Variants in MYO1H observed in about 807,000 individuals in gnomAD.
MYO1H encodes the protein myosin IH.
Under a neutral mutation model 149.3 loss-of-function variants are expected in MYO1H, and 118 were observed. That is an observed-to-expected ratio of 0.79 (90% CI 0.68 to 0.92). The LOEUF (loss-of-function observed/expected upper bound fraction) is 0.92. Ranked by LOEUF, MYO1H falls within the 40% of genes least tolerant of loss-of-function variation. MYO1H has a pLI of 0.00. For missense variants in MYO1H, 1,212 were observed against 1,280.7 expected (o/e 0.95, Z 0.82); for synonymous variants, 447 against 465.2 (o/e 0.96, Z 0.50).
intron 30 of MYO1H, among the ~76,000 whole-genome samples, chr12:109,444,739 C>T (rs547205534): frequency 6.6e-6 from 1 of 151,954 alleles, no homozygotes; most frequent in South Asian, 2.1e-4. Context: ...TGGTGGTGCA[C>T]ACTTGTAATC....
intron 5 of MYO1H, among the ~76,000 whole-genome samples, chr12:109,399,542 A>C (rs897752154): frequency 1.4e-5 from 2 of 147,750 alleles, no homozygotes; most frequent in African/African-American, 5.0e-5. Flanking sequence ...CAGTGAGCCC[A>C]GATTGTGCCA....
chr12:109,349,534 G>T (rs1868409996), intron 1 of MYO1H, among the ~76,000 whole-genome samples: 1 of 148,982 alleles, frequency 6.7e-6, no homozygotes, highest in Non-Finnish European at 1.5e-5. Context: ...GGTGGCACAT[G>T]CCTGTGGTCC....
At chr12:109,311,103 T>G in the MYO1H span, among the ~76,000 whole-genome samples, 1 of 152,234 alleles carries the variant, frequency 6.6e-6, no homozygotes, top group Admixed American at 6.5e-5. Flanking sequence ...CACAGTCATT[T>G]TCATTAAGGT....
intron 1 of MYO1H, among the ~76,000 whole-genome samples, chr12:109,350,025 A>G (rs985121694): frequency 6.6e-6 from 1 of 150,942 alleles, no homozygotes; most frequent in African/African-American, 2.4e-5. Flanking sequence ...TTAGAGATGG[A>G]ACCATTCAGA....
chr12:109,330,599 A>G, the MYO1H span, among the ~76,000 whole-genome samples: 2 of 152,144 alleles, frequency 1.3e-5, no homozygotes, highest in Non-Finnish European at 2.9e-5. Flanking sequence ...CCCAATTCGT[A>G]TATCAGAGAA....
At chr12:109,439,917 A>C (rs1211098093) in intron 24 of MYO1H, 127 bp downstream of exon 24, 3 of 806,734 alleles carry the variant, frequency 3.7e-6, no homozygotes, top group Non-Finnish European at 5.9e-6. Context: ...CCTTCTTCCC[A>C]AGGATGCTGC....
At chr12:109,442,335 C>G in intron 27 of MYO1H, 63 bp downstream of exon 27, 1 of 1,470,886 alleles carries the variant, frequency 6.8e-7, no homozygotes, top group South Asian at 1.1e-5. Context: ...GAGCAGGGTC[C>G]CCTTTCTCCA....
At chr12:109,373,792 CCCACCCT>C (rs1869036872) in intron 1 of MYO1H, among the ~76,000 whole-genome samples, 1 of 152,062 alleles carries the variant, frequency 6.6e-6, no homozygotes, top group Admixed American at 6.5e-5. Flanking sequence ...AGATACAAAA[CCCACCCT>C]TGGTTTTCTT....
the MYO1H span, among the ~76,000 whole-genome samples, chr12:109,341,188 C>CAAAAAA: frequency 2.5e-5 from 2 of 81,152 alleles, no homozygotes; most frequent in Non-Finnish European, 4.1e-5. Context: ...GACTCCATCT[C>CAAAAAA]GAAAAAAAAA....
At chr12:109,341,543 C>T in the MYO1H span, among the ~76,000 whole-genome samples, 2 of 152,156 alleles carry the variant, frequency 1.3e-5, no homozygotes, top group Non-Finnish European at 2.9e-5. Context: ...GACTCAATGG[C>T]AGGCAGAAGA....
intron 1 of MYO1H, among the ~76,000 whole-genome samples, chr12:109,354,630 A>AAAGAAAAG (rs1555247916): frequency 3.0e-5 from 4 of 134,014 alleles, no homozygotes; most frequent in African/African-American, 1.2e-4. Flanking sequence ...AAAAAAAAAA[A>AAAGAAAAG]AAAAGAAAAG....
intron 1 of MYO1H, chr12:109,354,552 G>A (rs559581166): frequency 1.1e-4 from 16 of 151,462 alleles, no homozygotes; most frequent in African/African-American, 3.9e-4. Flanking sequence ...CCCAGGAGGT[G>A]GAGATTGCAG....
chr12:109,439,653 C>T lies in MYO1H; in HGVS notation c.2317C>T (p.Arg773Cys), dbSNP rs755726927. The change falls in exon 24 of 32, where the codon CGC (arginine) becomes TGC (cysteine). Residue 773 changes from arginine (R) to cysteine (C), a missense_variant. Arg to Cys is a radical substitution (Grantham distance 180). Transcript: ENST00000310903. ...TAGGTTCATTAAAGGATTCATCAGT[C>T]GCAACAAACCCCTCTGTCCTGACAA... is the stretch of plus-strand genomic sequence containing the variant. 22 of 1,612,584 alleles carry T rather than the reference C, an allele frequency of 1.4e-5. No individual in the cohort carries two copies. The South Asian group carries it at 1.5e-4, about 11-fold the overall frequency.
chr12:109,436,372 T>A, intron 21 of MYO1H, 116 bp from the exon 22 acceptor site: 1 of 710,388 alleles, frequency 1.4e-6, no homozygotes, highest in Non-Finnish European at 2.5e-6. Flanking sequence ...GAAACATCAC[T>A]ACACCACAGG....
At chr12:109,315,379 G>T in the MYO1H span, among the ~76,000 whole-genome samples, 2 of 152,168 alleles carry the variant, frequency 1.3e-5, no homozygotes, top group East Asian at 1.9e-4. Flanking sequence ...TCTAATCTGG[G>T]TCTACATTAT....
rs1318998745 is a variant in MYO1H at position 109,421,056 on chromosome 12, T to G, written c.1644+29T>G. 3 of 1,445,986 alleles carry G rather than the reference T, an allele frequency of 2.1e-6. No homozygotes were observed. In the Admixed American group the frequency reaches 5.9e-5, roughly 29 times the overall value. 89.6% of individuals were successfully genotyped at this position (1,445,986 alleles called of 1,614,324 possible). A position where few individuals can be genotyped will look rare whatever the true frequency, so the allele number is the denominator to read the frequency against. On this transcript the variant is annotated intron_variant, in intron 16 of 31. Transcript: ENST00000310903. ...AGTCTGACACTTAACTGTATGTGTT[T>G]CTGATTATTTTGAAATATTACCCAT...
chr12:109,351,418 C>T (rs969188528), intron 1 of MYO1H, among the ~76,000 whole-genome samples: 5 of 152,208 alleles, frequency 3.3e-5, no homozygotes, highest in Non-Finnish European at 5.9e-5. Context: ...CACACAGTTT[C>T]ACCGCAGACA....
chr12:109,417,367 T>A (rs139612654), intron 15 of MYO1H, among the ~76,000 whole-genome samples: 7 of 152,154 alleles, frequency 4.6e-5, no homozygotes, highest in Non-Finnish European at 8.8e-5. Context: ...CTGCTCTGTC[T>A]CCCAGGCTGG....
chr12:109,376,170 CAG>C (rs1566020855), intron 1 of MYO1H, among the ~76,000 whole-genome samples: 2 of 152,272 alleles, frequency 1.3e-5, no homozygotes, highest in South Asian at 4.1e-4. Context: ...AGTTTATTCA[CAG>C]AGTTACACAA....
Sources: allele counts gnomAD v4.1 joint callset (sites outside exome capture counted in the v4.1 genomes callset), GRCh38; gene constraint gnomAD v4.1.1; transcripts MANE v1.5; gene names NCBI Gene and HGNC (gene_info 2026-07-23, HGNC 2026-07-21).